TUBB8B: variants seen among roughly 807,000 people sequenced by gnomAD.
The protein encoded by TUBB8B is tubulin beta 8B.
Under a neutral mutation model 31.9 loss-of-function variants are expected in TUBB8B, and 26 were observed. That is an observed-to-expected ratio of 0.81 (90% CI 0.60 to 1.13). The LOEUF (loss-of-function observed/expected upper bound fraction) is 1.13, where lower values mean the gene tolerates loss of function less well. Ranked by LOEUF, TUBB8B falls within the 50% of genes most tolerant of loss-of-function variation. The probability of loss-of-function intolerance (pLI) is 0.00; values close to 1 mark genes in which losing one functional copy is unlikely to be tolerated. For synonymous variants in TUBB8B, 173 were observed against 231.0 expected, an observed-to-expected ratio of 0.75 and a Z score of 2.28; for missense variants, 467 against 586.7, an observed-to-expected ratio of 0.80 and a Z score of 2.11.
At chr18:71,569 TAAAAAAAAA>T in the TUBB8B span, among the ~76,000 whole-genome samples, 12 of 57,644 alleles carry the variant, frequency 2.1e-4, no homozygotes, top group East Asian at 5.7e-3. Flanking sequence ...AAAAAAAATT[TAAAAAAAAA>T]AAAAAAAAAA....
the TUBB8B span, among the ~76,000 whole-genome samples, chr18:58,446 T>C: frequency 6.6e-6 from 1 of 151,698 alleles, no homozygotes; most frequent in Non-Finnish European, 1.5e-5. Flanking sequence ...AAATTCAAAC[T>C]TTTATATAAC....
At chr18:57,439 G>C in the TUBB8B span, among the ~76,000 whole-genome samples, 2 of 151,774 alleles carry the variant, frequency 1.3e-5, no homozygotes, top group Non-Finnish European at 2.9e-5. Context: ...GAATTTTAAG[G>C]CTCCAAAATA....
At chr18:70,288 A>G in the TUBB8B span, among the ~76,000 whole-genome samples, 1 of 152,224 alleles carries the variant, frequency 6.6e-6, no homozygotes, top group Non-Finnish European at 1.5e-5. Context: ...ATTTAAATAT[A>G]CTGATTACCA....
chr18:71,161 G>C, the TUBB8B span, among the ~76,000 whole-genome samples: 1 of 151,326 alleles, frequency 6.6e-6, no homozygotes, highest in Admixed American at 6.6e-5. Context: ...AGCCCGGGAG[G>C]TTGAGGCTGC....
chr18:53,884 T>C (rs1906201356), upstream of TUBB8B, among the ~76,000 whole-genome samples: 1 of 151,846 alleles, frequency 6.6e-6, no homozygotes, highest in Non-Finnish European at 1.5e-5. Context: ...AGAACACATG[T>C]GATTAAATTA....
upstream of TUBB8B, chr18:50,089 G>T (rs1189661986): frequency 1.4e-5 from 5 of 355,780 alleles, no homozygotes; most frequent in Non-Finnish European, 2.8e-5. Flanking sequence ...GTTGGAGATA[G>T]TCAGGCGTCT....
the TUBB8B span, among the ~76,000 whole-genome samples, chr18:56,819 A>G: frequency 6.6e-6 from 1 of 151,938 alleles, no homozygotes; most frequent in East Asian, 1.9e-4. Context: ...GCTGTACAGA[A>G]AGCATAGCAC....
At chr18:63,438 C>A in the TUBB8B span, among the ~76,000 whole-genome samples, 1 of 151,624 alleles carries the variant, frequency 6.6e-6, no homozygotes, top group African/African-American at 2.4e-5. Context: ...TTCTCTGAAA[C>A]CAGCAGTCTC....
chr18:71,568 TTAAAAAAAAAAAA>T, the TUBB8B span, among the ~76,000 whole-genome samples: 1 of 78,466 alleles, frequency 1.3e-5, no homozygotes, highest in African/African-American at 4.6e-5. Flanking sequence ...AAAAAAAAAT[TTAAAAAAAAAAAA>T]AAAAAAAAAA....
rs1905630195 is a variant in TUBB8B at position 47,312 on chromosome 18, G to A, written c.*78C>T. On this transcript the variant is annotated 3_prime_UTR_variant, in exon 4 of 4. Transcript: ENST00000308911. ...GAGATGTGAAGACACAAATTAACAA[G>A]CGTATAGTGACACATGGCTGTCAGA... 5 of 603,052 alleles carry A rather than the reference G, an allele frequency of 8.3e-6. No homozygotes were observed. Among genetic ancestry groups the A allele is most frequent in the Non-Finnish European group, 8.7e-6 (3 of 344,728 alleles). 37.4% of individuals were successfully genotyped at this position (603,052 alleles called of 1,614,324 possible). A position where few individuals can be genotyped will look rare whatever the true frequency, so the allele number is the denominator to read the frequency against.
At chr18:70,618 G>C in the TUBB8B span, among the ~76,000 whole-genome samples, 1 of 152,106 alleles carries the variant, frequency 6.6e-6, no homozygotes, top group South Asian at 2.1e-4. Flanking sequence ...CTGAGCAACA[G>C]AGTGAGACTG....
At chr18:63,361 C>G in the TUBB8B span, among the ~76,000 whole-genome samples, 168 of 151,886 alleles carry the variant, frequency 1.1e-3, 5 homozygotes, top group Non-Finnish European at 1.8e-3. Context: ...CTGTGGTGGC[C>G]TTGGATTAAC....
In TUBB8B at chr18:47,245, A is replaced by T; in HGVS notation, c.*145T>A. 1.8e-6 allele frequency: 1 copy of T among 553,874 alleles called. No individual in the cohort carries two copies. The highest frequency in any genetic ancestry group is 3.1e-6 in the Non-Finnish European group (1 of 318,458). The allele number at this position is 553,874 out of a possible 1,614,324, so 34.3% of individuals were successfully genotyped here. On this transcript the variant is annotated 3_prime_UTR_variant, in exon 4 of 4. Coordinates refer to ENST00000308911, the MANE Select transcript of TUBB8B (RefSeq NM_001358689.2). Reference sequence around the variant, plus strand: ...CCAGATGCTGTGAGAATACTTTATTAGTCAAAACCGCATACTATAAAAATG... The same window carrying T: ...CCAGATGCTGTGAGAATACTTTATTTGTCAAAACCGCATACTATAAAAATG...
the TUBB8B span, among the ~76,000 whole-genome samples, chr18:72,196 A>AAAAAAAAAAACAAAAAAAACAAC: frequency 1.2e-5 from 1 of 84,536 alleles, no homozygotes; most frequent in African/African-American, 3.9e-5. Flanking sequence ...AAAAAAAAAA[A>AAAAAAAAAAACAAAAAAAACAAC]AAAGGAAAAA....
the TUBB8B span, among the ~76,000 whole-genome samples, chr18:72,933 C>T: frequency 5.3e-4 from 80 of 152,286 alleles, 1 homozygote; most frequent in East Asian, 0.012. Flanking sequence ...CGCCATTGCA[C>T]TCCAACCTGG....
In TUBB8B at chr18:48,005, C is replaced by G; in HGVS notation, c.720G>C (p.Leu240=). The change falls in exon 4 of 4, where the codon CTG becomes CTC. Residue 240 remains leucine (L), a synonymous_variant. Coordinates refer to ENST00000308911, the MANE Select transcript of TUBB8B (RefSeq NM_001358689.2). ...CAGCATTCAGCTGGCCTGGGAAGCG[C>G]AGGCATGTGGTGACCCCACTCATGG... The part of the protein sequence containing the change: ...SATMSGVTTC[L]RFPGQLNADL... 6.2e-7 allele frequency: 1 copy of G among 1,612,308 alleles called. No individual in the cohort carries two copies. Among genetic ancestry groups the G allele is most frequent in the South Asian group, 1.1e-5 (1 of 91,014 alleles).
chr18:68,277 A>G, the TUBB8B span, among the ~76,000 whole-genome samples: 1 of 152,178 alleles, frequency 6.6e-6, no homozygotes, highest in Non-Finnish European at 1.5e-5. Flanking sequence ...AACTCCACAC[A>G]AAACACTCCA....
rs1369966919 is a variant in TUBB8B, at chr18:49,191, G to A, written c.104C>T (p.Thr35Ile). 1.3e-6 allele frequency: 2 copies of A among 1,537,842 alleles called. No individual in the cohort carries two copies. The highest frequency in any genetic ancestry group is 2.0e-5 in the Admixed American group (1 of 50,690). Residue 35 changes from threonine (T) to isoleucine (I), a missense_variant, in exon 2 of 4, where the codon ACC becomes ATC. This residue lies in a region of TUBB8B where 259 missense variants were observed against 380.1 expected (regional missense o/e 0.68). Transcript: ENST00000308911. The part of the protein sequence containing the change: ...SDEHAIDSAG[T>I]YHGDSHLQLE... ...CTGCAGGTGGCTGTCCCCGTGGTAG[G>A]TGCCAGCGGAGTCGATGGCATGTTC... is the stretch of plus-strand genomic sequence containing the variant.
chr18:56,270 A>G, the TUBB8B span, among the ~76,000 whole-genome samples: 1 of 151,692 alleles, frequency 6.6e-6, no homozygotes, highest in African/African-American at 2.4e-5. Context: ...GGATTCCTCC[A>G]GTTTTGGTTT....
Sources: allele counts gnomAD v4.1 joint callset (sites outside exome capture counted in the v4.1 genomes callset), GRCh38; gene constraint gnomAD v4.1.1; regional missense constraint gnomAD v4.1.1; transcripts MANE v1.5; gene names NCBI Gene and HGNC (gene_info 2026-07-23, HGNC 2026-07-21).